The following ASIC2 variants were observed in gnomAD, a reference collection of about 807,000 sequenced individuals.
ASIC2 encodes the protein acid sensing ion channel subunit 2, also known as acid-sensing ion channel 2.
A neutral mutation model predicts 57.3 loss-of-function variants in ASIC2; 25 were observed. The ratio of observed to expected loss-of-function variants is 0.44; its 90% CI spans 0.32 to 0.61. The LOEUF (loss-of-function observed/expected upper bound fraction) is 0.61, where lower values mean the gene tolerates loss of function less well. ASIC2 is among the 20% of genes least tolerant of loss of function. The pLI, the probability that ASIC2 is intolerant of heterozygous loss-of-function variation, is 0.06. For synonymous variants in ASIC2, 319 were observed against 307.5 expected, an observed-to-expected ratio of 1.04 and a Z score of -0.39; for missense variants, 641 against 738.1, an observed-to-expected ratio of 0.87 and a Z score of 1.52.
At chr17:33,859,611 T>A (rs1024379065) in intron 1 of ASIC2, among the ~76,000 whole-genome samples, 1 of 152,152 alleles carries the variant, frequency 6.6e-6, no homozygotes, top group Non-Finnish European at 1.5e-5. Context: ...AGGTATTGAC[T>A]GGAATTCAAC....
intron 1 of ASIC2, among the ~76,000 whole-genome samples, chr17:33,417,504 A>T (rs1315884794): frequency 6.6e-6 from 1 of 152,232 alleles, no homozygotes; most frequent in Non-Finnish European, 1.5e-5. Context: ...GCCTTTCGGT[A>T]AAAAGACAGT....
rs377651164 is a variant in ASIC2, at chr17:33,714,985, T to TTTTTTATTATTATTATTATTATTA, written c.555+440992_555+440993insTAATAATAATAATAATAATAAAAA. Among the ~76,000 whole-genome samples the TTTTTTATTATTATTATTATTATTA allele has an allele frequency of 1.3e-3, 186 of 142,208 alleles. 1 individual carries two copies. The highest frequency in any genetic ancestry group is 4.8e-3 in the African/African-American group (179 of 37,536). The allele number at this position is 142,208 out of a possible 152,430, so 93.3% of individuals were successfully genotyped here. On this transcript the variant is annotated intron_variant, in intron 1 of 9. Transcript: ENST00000359872. ...GGCTCATGCCACCATGCCAGGCTAA[T>TTTTTTATTATTATTATTATTATTA]TTATTATTATTATTATTATTATTAT...
At chr17:33,270,038 C>G (rs1218489642) in intron 1 of ASIC2, among the ~76,000 whole-genome samples, 1 of 152,204 alleles carries the variant, frequency 6.6e-6, no homozygotes, top group Non-Finnish European at 1.5e-5. Flanking sequence ...TGGGCCCCTT[C>G]ACTTAGCATT....
At chr17:34,148,757 C>G (rs1335819410) in intron 1 of ASIC2, among the ~76,000 whole-genome samples, 1 of 152,116 alleles carries the variant, frequency 6.6e-6, no homozygotes. Flanking sequence ...ACAGTAGGAC[C>G]AAGATGGCAT....
intron 7 of ASIC2, among the ~76,000 whole-genome samples, chr17:33,019,751 G>A (rs1010839090): frequency 4.0e-5 from 6 of 151,878 alleles, no homozygotes; most frequent in East Asian, 1.9e-4. Flanking sequence ...CATATCTGAC[G>A]CAGACATGAC....
chr17:33,685,576 T>G (rs1908159425), intron 1 of ASIC2, among the ~76,000 whole-genome samples: 1 of 152,346 alleles, frequency 6.6e-6, no homozygotes, highest in South Asian at 2.1e-4. Context: ...AAGTACTTGC[T>G]GTCTCCTGGA....
chr17:33,364,563 T>C (rs993198374), intron 1 of ASIC2, among the ~76,000 whole-genome samples: 2 of 152,060 alleles, frequency 1.3e-5, no homozygotes, highest in African/African-American at 4.8e-5. Context: ...TGAGATCTGG[T>C]TGTTTAAAAG....
chr17:33,932,741 A>AAAAAAATATATATATAT (rs1555572867), intron 1 of ASIC2: 24 of 58,666 alleles, frequency 4.1e-4, no homozygotes, highest in Non-Finnish European at 5.6e-4. Flanking sequence ...AAAAAAAAAA[A>AAAAAAATATATATATAT]ATATATATAT....
intron 1 of ASIC2, among the ~76,000 whole-genome samples, chr17:33,873,745 A>G (rs1385002357): frequency 1.3e-5 from 2 of 152,236 alleles, no homozygotes; most frequent in Non-Finnish European, 2.9e-5. Flanking sequence ...AACCTTGTGC[A>G]TAGTTCATCC....
intron 1 of ASIC2, among the ~76,000 whole-genome samples, chr17:33,555,110 G>C (rs180846181): frequency 6.6e-6 from 1 of 152,056 alleles, no homozygotes; most frequent in Non-Finnish European, 1.5e-5. Flanking sequence ...TGTCTCTTCC[G>C]GGTTTCACAA....
Position 33,470,985 on chromosome 17 carries a change from G to C in ASIC2, c.556-358918C>G, listed in dbSNP as rs533515819. Among the ~76,000 whole-genome samples, 3 of 141,524 alleles carry C rather than the reference G, an allele frequency of 2.1e-5. No individual in the cohort carries two copies. In the South Asian group the frequency reaches 6.9e-4, roughly 33 times the overall value. The allele number at this position is 141,524 out of a possible 152,430, so 92.8% of individuals were successfully genotyped here. A position where few individuals can be genotyped will look rare whatever the true frequency, so the allele number is the denominator to read the frequency against. ...TGTATTCTGGATCTTTTTATCTTCT[G>C]CCTCTGAGTCTAACCCCTGACAAAT... On this transcript the variant is annotated intron_variant, in intron 1 of 9. Coordinates refer to the ASIC2 transcript ENST00000359872.
intron 1 of ASIC2, among the ~76,000 whole-genome samples, chr17:33,431,323 G>A (rs1346340743): frequency 6.6e-6 from 1 of 152,148 alleles, no homozygotes; most frequent in Non-Finnish European, 1.5e-5. Flanking sequence ...TCAGAAGAAA[G>A]AGGTCAGGAG....
intron 1 of ASIC2, among the ~76,000 whole-genome samples, chr17:33,464,506 T>G (rs182825867): frequency 5.3e-5 from 2 of 37,682 alleles, no homozygotes; most frequent in South Asian, 2.3e-3. Context: ...CTTTCTTTCT[T>G]TCTTTCTTTC....
intron 1 of ASIC2, among the ~76,000 whole-genome samples, chr17:33,700,877 A>G (rs2046897): frequency 0.34 from 52,245 of 151,990 alleles, 10,353 homozygotes; most frequent in African/African-American, 0.56. Flanking sequence ...TACTCCCCAA[A>G]TGACCATGAG....
chr17:33,294,609 A>G (rs1905644440), upstream of ASIC2, among the ~76,000 whole-genome samples: 1 of 152,078 alleles, frequency 6.6e-6, no homozygotes. Context: ...GTACAAGCAC[A>G]CATATACACA....
At chr17:33,510,615 G>C (rs1914402332) in intron 1 of ASIC2, among the ~76,000 whole-genome samples, 1 of 152,140 alleles carries the variant, frequency 6.6e-6, no homozygotes, top group Non-Finnish European at 1.5e-5. Context: ...CTGGGCAATA[G>C]AGTGAGATCT....
At chr17:33,517,296 A>G (rs1488510744) in intron 1 of ASIC2, among the ~76,000 whole-genome samples, 3 of 152,094 alleles carry the variant, frequency 2.0e-5, no homozygotes, top group African/African-American at 7.2e-5. Flanking sequence ...TTGTATGTTT[A>G]GTAGAGATGG....
chr17:33,078,561 A>G (rs2092099039), intron 3 of ASIC2, among the ~76,000 whole-genome samples: 1 of 152,232 alleles, frequency 6.6e-6, no homozygotes, highest in Admixed American at 6.5e-5. Flanking sequence ...AAGAGTTTAC[A>G]GTATACTGGG....
Position 33,670,775 on chromosome 17 carries a change from A to T in ASIC2, c.555+485203T>A, listed in dbSNP as rs1907614911. On this transcript the variant is annotated intron_variant, in intron 1 of 9. Transcript: ENST00000359872. Reference sequence around the variant, plus strand: ...TCAGACTGGGTACACAGGCTCCAGGATGGTATGGCAGGACAACCCCCAGGT... The same window carrying T: ...TCAGACTGGGTACACAGGCTCCAGGTTGGTATGGCAGGACAACCCCCAGGT... Among the ~76,000 whole-genome samples the T allele has an allele frequency of 3.9e-5, 6 of 152,250 alleles. 1 individual carries two copies. The South Asian group carries it at 1.2e-3, about 32-fold the overall frequency.
Sources: allele counts gnomAD v4.1 joint callset (sites outside exome capture counted in the v4.1 genomes callset), GRCh38; gene constraint gnomAD v4.1.1; transcripts MANE v1.5; gene names NCBI Gene and HGNC (gene_info 2026-07-23, HGNC 2026-07-21).